The following SYN3 variants were observed in gnomAD, a reference collection of about 807,000 sequenced individuals.
SYN3 encodes the protein synapsin-3.
Under a neutral mutation model 65.8 loss-of-function variants are expected in SYN3, and 35 were observed. The observed-to-expected ratio is 0.53, with a 90% CI of 0.41 to 0.70. SYN3 has a LOEUF of 0.70. Ranked by LOEUF, SYN3 falls within the 30% of genes least tolerant of loss-of-function variation. The pLI is 0.00. For synonymous variants in SYN3, 270 were observed against 292.9 expected, an observed-to-expected ratio of 0.92 and a Z score of 0.80; for missense variants, 680 against 749.0, an observed-to-expected ratio of 0.91 and a Z score of 1.08.
rs73162048 is a variant in SYN3, at chr22:33,001,060, T to C, written c.311+5292A>G. On this transcript the variant is annotated intron_variant, in intron 2 of 13. Coordinates refer to ENST00000358763, the MANE Select transcript of SYN3 (RefSeq NM_003490.4). The stretch of plus-strand genomic sequence containing the variant: ...TTCTGTGGGAGAAGCTGTATGTTGG[T>C]GGTAGGAAGTCTCTGTCACAAACAT... Among the ~76,000 whole-genome samples, 896 of 152,226 alleles carry C rather than the reference T, an allele frequency of 5.9e-3. 8 individuals are homozygous for C. The highest frequency in any genetic ancestry group is 0.028 in the South Asian group (137 of 4,812).
chr22:33,056,351 A>C (rs1040262369), intron 1 of SYN3, among the ~76,000 whole-genome samples: 2 of 152,154 alleles, frequency 1.3e-5, no homozygotes, highest in Non-Finnish European at 2.9e-5. Context: ...AGTGTAGTGG[A>C]TACCGTGGGG....
intron 4 of SYN3, among the ~76,000 whole-genome samples, chr22:32,869,348 C>CTA: frequency 6.8e-6 from 1 of 147,290 alleles, no homozygotes; most frequent in Non-Finnish European, 1.5e-5. Flanking sequence ...CTCTCTCTCT[C>CTA]TCTCTCTCTC....
intron 6 of SYN3, among the ~76,000 whole-genome samples, chr22:32,740,970 G>A (rs1335132633): frequency 1.3e-5 from 2 of 152,164 alleles, no homozygotes; most frequent in Non-Finnish European, 2.9e-5. Flanking sequence ...TGCAGGCAAT[G>A]GGGACAAAAG....
chr22:32,677,673 C>T (rs866438495), intron 6 of SYN3, among the ~76,000 whole-genome samples: 3 of 151,900 alleles, frequency 2.0e-5, no homozygotes, highest in South Asian at 4.2e-4. Flanking sequence ...TGGTGGCGGG[C>T]GCCTGTAGTC....
chr22:32,715,226 G>A (rs527420267), intron 6 of SYN3, among the ~76,000 whole-genome samples: 1 of 152,254 alleles, frequency 6.6e-6, no homozygotes, highest in Admixed American at 6.5e-5. Flanking sequence ...CCAAATTTGT[G>A]TCACTGAACT....
At chr22:32,845,878 T>A (rs2048047085) in intron 6 of SYN3, among the ~76,000 whole-genome samples, 1 of 152,210 alleles carries the variant, frequency 6.6e-6, no homozygotes, top group Admixed American at 6.5e-5. Flanking sequence ...AGCGAATGCC[T>A]CGGGAGAACC....
chr22:32,884,655 C>T (rs1252096533), intron 4 of SYN3, among the ~76,000 whole-genome samples: 1 of 152,140 alleles, frequency 6.6e-6, no homozygotes, highest in African/African-American at 2.4e-5. Flanking sequence ...CCAAGGCGGG[C>T]GGATCACGAG....
At chr22:32,929,554 A>G (rs2050571916) in intron 4 of SYN3, among the ~76,000 whole-genome samples, 1 of 152,158 alleles carries the variant, frequency 6.6e-6, no homozygotes, top group Non-Finnish European at 1.5e-5. Flanking sequence ...CTTCCTTTAC[A>G]TAGGATTTGC....
chr22:32,941,093 C>T (rs2050922870), intron 3 of SYN3, among the ~76,000 whole-genome samples: 1 of 152,130 alleles, frequency 6.6e-6, no homozygotes, highest in South Asian at 2.1e-4. Flanking sequence ...CAACGAAACC[C>T]TCACTTATCT....
At chr22:32,887,889 C>T (rs548779350) in intron 4 of SYN3, among the ~76,000 whole-genome samples, 81 of 152,270 alleles carry the variant, frequency 5.3e-4, no homozygotes, top group African/African-American at 8.2e-4. Flanking sequence ...TTGGCTCATA[C>T]GGTGCCTATA....
chr22:32,508,315 C>A lies in SYN3; in HGVS notation c.*5377G>T, dbSNP rs1398584532. 2.0e-5 allele frequency among the ~76,000 whole-genome samples: 3 copies of A among 152,190 alleles called. No homozygotes were observed. The highest frequency in any genetic ancestry group is 6.5e-5 in the Admixed American group (1 of 15,272). On this transcript the variant is annotated 3_prime_UTR_variant, in exon 14 of 14. Coordinates refer to ENST00000358763, the MANE Select transcript of SYN3 (RefSeq NM_003490.4). ...AGCACCTTGTGACCCCCGCCCCTGC[C>A]CACCAGAGAACAACCCCCTTTGCAT... is the stretch of plus-strand genomic sequence containing the variant.
At chr22:32,569,433 A>G (rs1224216608) in intron 7 of SYN3, among the ~76,000 whole-genome samples, 1 of 148,718 alleles carries the variant, frequency 6.7e-6, no homozygotes, top group Non-Finnish European at 1.5e-5. Context: ...CTATCTATCT[A>G]TCTATCTATC....
intron 6 of SYN3, among the ~76,000 whole-genome samples, chr22:32,803,498 C>A (rs938479116): frequency 2.0e-5 from 3 of 152,112 alleles, no homozygotes; most frequent in African/African-American, 7.2e-5. Context: ...TTGTAAGAGG[C>A]TCCCTGGGGC....
In SYN3 at chr22:32,801,971, AGCAGCCCCG is replaced by A; in HGVS notation, c.711+62935_711+62943del. 1.3e-6 allele frequency: 2 copies of A among 1,578,496 alleles called. No individual in the cohort carries two copies. The highest frequency in any genetic ancestry group is 1.1e-5 in the South Asian group (1 of 87,234). On this transcript the variant is annotated intron_variant, in intron 6 of 13. Coordinates refer to ENST00000358763, the MANE Select transcript of SYN3 (RefSeq NM_003490.4). The surrounding 1 kb of genome is among the most constrained non-coding windows in gnomAD (Gnocchi z 4.7). ...GCACGGCAACTTTGGAGAGGCGAGC[AGCAGCCCCG>A]GCAGCGGCGGCAGCAGCGGCAATGA...
At chr22:32,993,815 A>G (rs538168732) in intron 2 of SYN3, among the ~76,000 whole-genome samples, 2 of 152,298 alleles carry the variant, frequency 1.3e-5, no homozygotes, top group South Asian at 4.1e-4. Context: ...ATCCCTCAGC[A>G]CCAGCCTCAA....
intron 6 of SYN3, among the ~76,000 whole-genome samples, chr22:32,667,343 C>A (rs2060302619): frequency 6.6e-6 from 1 of 151,924 alleles, no homozygotes; most frequent in Admixed American, 6.6e-5. Context: ...ATCATGCTTT[C>A]TGTAAGACTG....
chr22:32,939,288 T>C (rs2050870392), intron 3 of SYN3, among the ~76,000 whole-genome samples: 1 of 152,148 alleles, frequency 6.6e-6, no homozygotes, highest in Non-Finnish European at 1.5e-5. Flanking sequence ...TCACAGTATA[T>C]GTGAAGTGGA....
intron 7 of SYN3, among the ~76,000 whole-genome samples, chr22:32,586,389 T>C (rs1418420645): frequency 6.6e-6 from 1 of 152,184 alleles, no homozygotes; most frequent in Non-Finnish European, 1.5e-5. Context: ...TTAATATATA[T>C]TGTTGATTCA....
chr22:32,986,833 C>G (rs570444163), intron 2 of SYN3, among the ~76,000 whole-genome samples: 1 of 152,076 alleles, frequency 6.6e-6, no homozygotes, highest in Admixed American at 6.6e-5. Context: ...CTGGATTCCA[C>G]GAAGATTCTC....
Sources: gnomAD v4.1 joint callset for allele counts (sites outside exome capture counted in the v4.1 genomes callset) on GRCh38, gnomAD v4.1.1 for gene constraint, Gnocchi (gnomAD v3.1) non-coding constraint, MANE v1.5 for transcripts, NCBI Gene and HGNC (gene_info 2026-07-23, HGNC 2026-07-21) for gene names.